Variants in SAMD12 observed in about 807,000 individuals in gnomAD.
The protein encoded by SAMD12 is sterile alpha motif domain-containing protein 12.
SAMD12 carries 9 observed loss-of-function variants against 15.0 expected under a neutral mutation model. The ratio of observed to expected loss-of-function variants is 0.60; its 90% confidence interval spans 0.36 to 1.05. The LOEUF (loss-of-function observed/expected upper bound fraction) is 1.05, where lower values mean the gene tolerates loss of function less well. Ranked by LOEUF, SAMD12 falls within the 50% of genes least tolerant of loss-of-function variation. The pLI is 0.01. For synonymous variants in SAMD12, 86 were observed against 90.1 expected (o/e 0.96, Z 0.25); for missense variants, 230 against 234.2 (o/e 0.98, Z 0.12).
chr8:118,473,361 T>C (rs1823859785), intron 2 of SAMD12, among the ~76,000 whole-genome samples: 1 of 152,186 alleles, frequency 6.6e-6, no homozygotes, highest in Non-Finnish European at 1.5e-5. Flanking sequence ...GTTTCCTGCC[T>C]TAGTAATAGA....
chr8:118,290,563 C>T (rs1014388468), intron 4 of SAMD12, among the ~76,000 whole-genome samples: 5 of 152,164 alleles, frequency 3.3e-5, no homozygotes, highest in South Asian at 2.1e-4. Context: ...TTAGTCAAAA[C>T]ATCACATTTA....
At chr8:118,604,035 T>C (rs1827929622) in intron 1 of SAMD12, among the ~76,000 whole-genome samples, 1 of 152,230 alleles carries the variant, frequency 6.6e-6, no homozygotes, top group Non-Finnish European at 1.5e-5. Context: ...GTGCTTATTA[T>C]ACTTCCTGGC....
chr8:118,223,290 G>C (rs1812120110), intron 4 of SAMD12, among the ~76,000 whole-genome samples: 1 of 152,048 alleles, frequency 6.6e-6, no homozygotes, highest in African/African-American at 2.4e-5. Context: ...TTTCATCCAA[G>C]ACTTCTCTCC....
At chr8:118,497,766 T>C (rs899107151) in intron 2 of SAMD12, among the ~76,000 whole-genome samples, 5 of 151,120 alleles carry the variant, frequency 3.3e-5, no homozygotes, top group African/African-American at 1.2e-4. Flanking sequence ...GAACAGCATT[T>C]GAGAACATTT....
intron 2 of SAMD12, among the ~76,000 whole-genome samples, chr8:118,554,720 A>T (rs999548370): frequency 1.3e-5 from 2 of 152,142 alleles, no homozygotes; most frequent in African/African-American, 4.8e-5. Flanking sequence ...CAACCAATTG[A>T]CTTTAAAGCA....
At chr8:118,281,959 TCAGGTGCTTTCTG>T in intron 4 of SAMD12, among the ~76,000 whole-genome samples, 2 of 152,316 alleles carry the variant, frequency 1.3e-5, no homozygotes, top group Middle Eastern at 6.8e-3. Context: ...GCTGCATCCT[TCAGGTGCTTTCTG>T]CAGAAATGAG....
chr8:118,338,568 G>A (rs1817194363), intron 4 of SAMD12, among the ~76,000 whole-genome samples: 1 of 152,216 alleles, frequency 6.6e-6, no homozygotes, highest in Non-Finnish European at 1.5e-5. Flanking sequence ...TTTAGACTAT[G>A]AGGAAGAGAG....
chr8:118,548,517 T>C lies in SAMD12; in HGVS notation c.192+32198A>G, dbSNP rs192785356. The stretch of plus-strand genomic sequence containing the variant: ...TGTCTAGATGTTACTCTAAAGGTAT[T>C]TGTTAACATCTACAACTGGAGGGGA... On this transcript the variant is annotated intron_variant, in intron 2 of 3. Coordinates refer to ENST00000314727, the MANE Select transcript of SAMD12 (RefSeq NM_207506.3). 1.9e-3 allele frequency among the ~76,000 whole-genome samples: 288 copies of C among 152,186 alleles called. 1 individual carries two copies. Among genetic ancestry groups the C allele is most frequent in the African/African-American group, 6.6e-3 (273 of 41,516 alleles).
intron 4 of SAMD12, among the ~76,000 whole-genome samples, chr8:118,337,763 A>G (rs1403002864): frequency 6.6e-6 from 1 of 152,190 alleles, no homozygotes; most frequent in Non-Finnish European, 1.5e-5. Context: ...TAATTGATCC[A>G]AAGCTCAAGA....
At chr8:118,153,783 G>A in the SAMD12 span, among the ~76,000 whole-genome samples, 1 of 151,982 alleles carries the variant, frequency 6.6e-6, no homozygotes, top group Admixed American at 6.6e-5. Flanking sequence ...TCCTTCAAAA[G>A]CAAAAACCTA....
At chr8:118,156,595 T>A in the SAMD12 span, among the ~76,000 whole-genome samples, 1 of 152,232 alleles carries the variant, frequency 6.6e-6, no homozygotes, top group Admixed American at 6.5e-5. Context: ...AATTCTTATA[T>A]GTCCCAGGAT....
At chr8:118,132,196 G>A in the SAMD12 span, among the ~76,000 whole-genome samples, 1 of 152,134 alleles carries the variant, frequency 6.6e-6, no homozygotes, top group East Asian at 1.9e-4. Context: ...GAGTGGTTCT[G>A]TGTGTTCATA....
chr8:118,282,629 C>T (rs1297401813), intron 4 of SAMD12, among the ~76,000 whole-genome samples: 3 of 152,028 alleles, frequency 2.0e-5, no homozygotes, highest in African/African-American at 7.2e-5. Context: ...GAAAATGAAC[C>T]TCAAATGTGA....
At chr8:118,302,314 T>A (rs1170729927) in intron 4 of SAMD12, among the ~76,000 whole-genome samples, 2 of 152,130 alleles carry the variant, frequency 1.3e-5, no homozygotes, top group Non-Finnish European at 2.9e-5. Context: ...CATTTAGTTC[T>A]TTGCTCATAA....
At chr8:118,517,358 T>C (rs1274605541) in intron 2 of SAMD12, among the ~76,000 whole-genome samples, 1 of 152,216 alleles carries the variant, frequency 6.6e-6, no homozygotes, top group Non-Finnish European at 1.5e-5. Context: ...TACTGCTCTA[T>C]ACCTCAATTT....
At chr8:118,459,033 T>TA (rs1045307561) in intron 2 of SAMD12, among the ~76,000 whole-genome samples, 6 of 149,996 alleles carry the variant, frequency 4.0e-5, no homozygotes, top group African/African-American at 9.9e-5. Context: ...ATATTGCTTT[T>TA]AAAAAAAATC....
At chr8:118,590,066 T>C (rs539795809) in intron 1 of SAMD12, among the ~76,000 whole-genome samples, 1 of 152,284 alleles carries the variant, frequency 6.6e-6, no homozygotes, top group South Asian at 2.1e-4. Context: ...TTGCCTCGTA[T>C]ATCCCAGACT....
chr8:118,479,852 C>G (rs972040433), intron 2 of SAMD12, among the ~76,000 whole-genome samples: 1 of 151,638 alleles, frequency 6.6e-6, no homozygotes, highest in Non-Finnish European at 1.5e-5. Context: ...GTGATCACTG[C>G]TACATCCCTG....
chr8:118,559,617 C>T (rs73319329), intron 2 of SAMD12, among the ~76,000 whole-genome samples: 1,616 of 152,254 alleles, frequency 0.011, 32 homozygotes, highest in African/African-American at 0.037. Flanking sequence ...GAGGTGGGGA[C>T]ATATGTGACA....
Sources: allele counts gnomAD v4.1 joint callset (sites outside exome capture counted in the v4.1 genomes callset), GRCh38; gene constraint gnomAD v4.1.1; transcripts MANE v1.5; gene names NCBI Gene and HGNC (gene_info 2026-07-23, HGNC 2026-07-21).